The following VEPH1 variants were observed in gnomAD, a reference collection of about 807,000 sequenced individuals.
The protein encoded by VEPH1 is ventricular zone expressed PH domain containing 1.
Under a neutral mutation model 85.2 loss-of-function variants are expected in VEPH1, and 80 were observed. That is an observed-to-expected ratio of 0.94 (90% confidence interval 0.78 to 1.13). The LOEUF is 1.13. Ranked by LOEUF, VEPH1 falls within the 50% of genes most tolerant of loss-of-function variation. VEPH1 has a pLI of 0.00. For synonymous variants in VEPH1, 297 were observed against 348.0 expected (o/e 0.85, Z 1.63); for missense variants, 955 against 980.5 (o/e 0.97, Z 0.35).
At chr3:157,408,140 T>C (rs1274905376) in intron 6 of VEPH1, among the ~76,000 whole-genome samples, 1 of 152,152 alleles carries the variant, frequency 6.6e-6, no homozygotes, top group African/African-American at 2.4e-5. Flanking sequence ...TTCAACCAAT[T>C]TGCAGCCTGC....
Position 157,471,453 on chromosome 3 carries a change from A to G in VEPH1, c.139-924T>C, listed in dbSNP as rs1428044831. On this transcript the variant is annotated intron_variant, in intron 2 of 13. Coordinates refer to ENST00000362010, the MANE Select transcript of VEPH1 (RefSeq NM_001167912.2). The stretch of plus-strand genomic sequence containing the variant: ...GGCTCAAAATAGGTACTGTTGAACT[A>G]TGTTCCAGAAAGGTTTTACGAATGT... 6.6e-5 allele frequency among the ~76,000 whole-genome samples: 10 copies of G among 152,208 alleles called. No homozygotes were observed. In the East Asian group the frequency reaches 1.3e-3, roughly 20 times the overall value.
chr3:157,394,899 AAC>A (rs1178054603), intron 6 of VEPH1, among the ~76,000 whole-genome samples: 1 of 152,098 alleles, frequency 6.6e-6, no homozygotes, highest in African/African-American at 2.4e-5. Flanking sequence ...CTATGGGAGA[AAC>A]AGTACCATAT....
intron 2 of VEPH1, among the ~76,000 whole-genome samples, chr3:157,484,767 T>C (rs1208627446): frequency 1.3e-5 from 2 of 152,208 alleles, no homozygotes; most frequent in Non-Finnish European, 2.9e-5. Flanking sequence ...TAATCAAATG[T>C]AATATGGCAG....
intron 11 of VEPH1, among the ~76,000 whole-genome samples, chr3:157,306,733 G>T (rs567164833): frequency 8.5e-5 from 13 of 152,112 alleles, no homozygotes; most frequent in African/African-American, 3.1e-4. Flanking sequence ...AGAGCAGATT[G>T]CTCTTTAAGA....
chr3:157,261,693 A>T (rs887792964), intron 13 of VEPH1, among the ~76,000 whole-genome samples: 1 of 152,150 alleles, frequency 6.6e-6, no homozygotes, highest in Non-Finnish European at 1.5e-5. Flanking sequence ...TACAATTTGG[A>T]GTGCTATTAA....
intron 12 of VEPH1, among the ~76,000 whole-genome samples, chr3:157,278,875 A>G (rs1420125874): frequency 1.3e-5 from 2 of 152,220 alleles, no homozygotes; most frequent in Admixed American, 1.3e-4. Flanking sequence ...CAAAGAGACA[A>G]TCATGAGTTT....
intron 6 of VEPH1, among the ~76,000 whole-genome samples, chr3:157,390,440 G>C (rs943144935): frequency 1.3e-5 from 2 of 152,166 alleles, no homozygotes; most frequent in African/African-American, 4.8e-5. Flanking sequence ...GTGTTAAGTG[G>C]AGATATTGAA....
At chr3:157,497,679 G>A (rs943394106) in intron 1 of VEPH1, among the ~76,000 whole-genome samples, 2 of 152,122 alleles carry the variant, frequency 1.3e-5, no homozygotes, top group Admixed American at 1.3e-4. Context: ...GCAGTAATAC[G>A]TGCTGGTACA....
chr3:157,473,528 G>T (rs896931087), intron 2 of VEPH1, among the ~76,000 whole-genome samples: 1 of 151,924 alleles, frequency 6.6e-6, no homozygotes, highest in Non-Finnish European at 1.5e-5. Flanking sequence ...TATTATGTTG[G>T]CTAGAATCTT....
Position 157,363,352 on chromosome 3 carries a change from C to T in VEPH1, c.1735+12G>A. ...TGAAGTTTCTCAGGTTTGGGAAGTA[C>T]ACAACACTTACCTTCAATGGTACAC... On this transcript the variant is annotated intron_variant, in intron 9 of 13. Transcript: ENST00000362010. 6.4e-7 allele frequency: 1 copy of T among 1,572,796 alleles called. No homozygotes were observed. Among genetic ancestry groups the T allele is most frequent in the Non-Finnish European group, 8.6e-7 (1 of 1,164,604 alleles).
rs11349713 is a variant in VEPH1, at chr3:157,292,983, C to CA, written c.2011-6310dup. Among the ~76,000 whole-genome samples, 188 of 110,040 alleles carry CA rather than the reference C, an allele frequency of 1.7e-3. 2 individuals are homozygous for CA. In the South Asian group the frequency reaches 0.018, roughly 11 times the overall value. The allele number at this position is 110,040 out of a possible 152,430, so 72.2% of individuals were successfully genotyped here. On this transcript the variant is annotated intron_variant, in intron 11 of 13. Transcript: ENST00000362010. Reference sequence around the variant, plus strand: ...GGGCAACAAGAGCAAAACTCCACCTCAAAAAAAAAAAAAAAAGAAAAAAGA... The same window carrying CA: ...GGGCAACAAGAGCAAAACTCCACCTCAAAAAAAAAAAAAAAAAGAAAAAAGA...
chr3:157,373,217 C>T (rs946094952), intron 7 of VEPH1, among the ~76,000 whole-genome samples: 4 of 152,196 alleles, frequency 2.6e-5, no homozygotes, highest in Non-Finnish European at 5.9e-5. Context: ...CTCCACTCTG[C>T]ACACTTCCTC....
At chr3:157,314,014 T>A (rs1478037119) in intron 10 of VEPH1, among the ~76,000 whole-genome samples, 1 of 151,724 alleles carries the variant, frequency 6.6e-6, no homozygotes, top group Non-Finnish European at 1.5e-5. Flanking sequence ...CTGGCCAATA[T>A]AACAAGACCT....
intron 7 of VEPH1, among the ~76,000 whole-genome samples, chr3:157,373,785 C>T (rs1727776136): frequency 6.6e-6 from 1 of 152,006 alleles, no homozygotes. Flanking sequence ...TTTTGTGTGC[C>T]CTGTGTTTTG....
At chr3:157,286,303 C>T in intron 12 of VEPH1, 1 of 425,732 alleles carries the variant, frequency 2.3e-6, no homozygotes, top group Non-Finnish European at 4.3e-6. Flanking sequence ...ACTTTTAGGG[C>T]AAAATGGCTG....
At chr3:157,488,712 A>G (rs571346665) in intron 2 of VEPH1, among the ~76,000 whole-genome samples, 9 of 152,050 alleles carry the variant, frequency 5.9e-5, no homozygotes, top group African/African-American at 1.4e-4. Flanking sequence ...CTCCAGACTC[A>G]TACATACAAT....
chr3:157,261,057 T>C lies in VEPH1; in HGVS notation c.*77A>G. 1 of 1,556,548 alleles carries C rather than the reference T, an allele frequency of 6.4e-7. No individual in the cohort carries two copies. The highest frequency in any genetic ancestry group is 8.7e-7 in the Non-Finnish European group (1 of 1,150,634). On this transcript the variant is annotated 3_prime_UTR_variant, in exon 14 of 14. Transcript: ENST00000362010. ...TAAAAAACAACATGGCTTGGTAAAT[T>C]TAGCTCTTTTTCTTGACATTGGCAA...
intron 7 of VEPH1, among the ~76,000 whole-genome samples, chr3:157,378,357 T>TATATATATAG (rs1728390472): frequency 9.6e-6 from 1 of 104,280 alleles, no homozygotes; most frequent in African/African-American, 3.7e-5. Flanking sequence ...TATATATATA[T>TATATATATAG]AGTAGTGATT....
At chr3:157,277,791 A>G (rs1715587711) in intron 12 of VEPH1, among the ~76,000 whole-genome samples, 1 of 152,238 alleles carries the variant, frequency 6.6e-6, no homozygotes, top group African/African-American at 2.4e-5. Flanking sequence ...TCTGTTTATT[A>G]TAGTACTTAT....
Sources: gnomAD v4.1 joint callset for allele counts (sites outside exome capture counted in the v4.1 genomes callset) on GRCh38, gnomAD v4.1.1 for gene constraint, MANE v1.5 for transcripts, NCBI Gene and HGNC (gene_info 2026-07-23, HGNC 2026-07-21) for gene names.